Variants in FOXK2 observed in about 807,000 individuals in gnomAD.
The protein encoded by FOXK2 is forkhead box K2.
Under a neutral mutation model 53.3 loss-of-function variants are expected in FOXK2, and 24 were observed. The ratio of observed to expected loss-of-function variants is 0.45; its 90% CI spans 0.33 to 0.63. The LOEUF is 0.63. Ranked by LOEUF, FOXK2 falls within the 30% of genes least tolerant of loss-of-function variation. The pLI, the probability that FOXK2 is intolerant of heterozygous loss-of-function variation, is 0.03. For missense variants in FOXK2, 952 were observed against 910.5 expected, an observed-to-expected ratio of 1.05 and a Z score of -0.59; for synonymous variants, 505 against 407.1, an observed-to-expected ratio of 1.24 and a Z score of -2.89.
chr17:82,552,019 G>A (rs2044681816), intron 1 of FOXK2, among the ~76,000 whole-genome samples: 2 of 152,158 alleles, frequency 1.3e-5, no homozygotes, highest in African/African-American at 2.4e-5. Context: ...GCTCCCCCTT[G>A]TGGAGTCCTC....
chr17:82,530,686 T>A (rs1428353115), intron 1 of FOXK2, among the ~76,000 whole-genome samples: 1 of 151,864 alleles, frequency 6.6e-6, no homozygotes, highest in African/African-American at 2.4e-5. Context: ...ATTTTTGTAT[T>A]TTTAGTAGAG....
chr17:82,523,666 A>C (rs1599874913), intron 1 of FOXK2, among the ~76,000 whole-genome samples: 2 of 151,998 alleles, frequency 1.3e-5, no homozygotes, highest in South Asian at 4.2e-4. Flanking sequence ...TAGTAGAGAC[A>C]GGGTTAATCC....
intron 4 of FOXK2, among the ~76,000 whole-genome samples, chr17:82,581,380 ACCT>A (rs2045057325): frequency 1.3e-5 from 2 of 151,524 alleles, no homozygotes; most frequent in African/African-American, 4.8e-5. Context: ...GCTCACTGCA[ACCT>A]CCTCCTCTCG....
intron 1 of FOXK2, among the ~76,000 whole-genome samples, chr17:82,550,096 G>A (rs2044661704): frequency 6.6e-6 from 1 of 152,206 alleles, no homozygotes; most frequent in African/African-American, 2.4e-5. Flanking sequence ...CTATTCAGGA[G>A]GCTGAGGCGG....
chr17:82,534,889 A>C (rs1215576377), intron 1 of FOXK2, among the ~76,000 whole-genome samples: 1 of 152,178 alleles, frequency 6.6e-6, no homozygotes, highest in Non-Finnish European at 1.5e-5. Context: ...TGAAAAACAC[A>C]CATTTTTTGG....
intron 1 of FOXK2, 136 bp from the exon 2 acceptor site, chr17:82,563,217 TA>T: frequency 1.3e-6 from 1 of 794,002 alleles, no homozygotes; most frequent in Non-Finnish European, 1.9e-6. Context: ...TGGCGACTTA[TA>T]ATAACACGGT....
intron 1 of FOXK2, among the ~76,000 whole-genome samples, chr17:82,526,485 G>T (rs770875105): frequency 6.6e-6 from 1 of 152,172 alleles, no homozygotes; most frequent in Non-Finnish European, 1.5e-5. Flanking sequence ...TTAGGGTTAG[G>T]AGGAGCGGAA....
At chr17:82,549,157 C>T (rs774069199) in intron 1 of FOXK2, among the ~76,000 whole-genome samples, 8 of 152,158 alleles carry the variant, frequency 5.3e-5, no homozygotes, top group Non-Finnish European at 8.8e-5. Flanking sequence ...CACCTCCCTC[C>T]TCTTCTGGGT....
intron 1 of FOXK2, among the ~76,000 whole-genome samples, chr17:82,550,040 C>G (rs144926196): frequency 6.6e-6 from 1 of 152,234 alleles, no homozygotes; most frequent in Non-Finnish European, 1.5e-5. Flanking sequence ...CCCATCTCTA[C>G]AAAAACAAAA....
In FOXK2 at chr17:82,585,565, G is replaced by A. The variant is rs1254376743; in HGVS notation, c.1280-339G>A. On this transcript the variant is annotated intron_variant, in intron 6 of 8. Transcript: ENST00000335255. The stretch of plus-strand genomic sequence containing the variant: ...TCCTCCCACCTCAGCCTCCCAAAGT[G>A]CTGGGATTACAGGCGTGAGCCACTG... 2.6e-5 allele frequency among the ~76,000 whole-genome samples: 4 copies of A among 152,250 alleles called. No homozygotes were observed. In the East Asian group the frequency reaches 7.7e-4, roughly 29 times the overall value.
chr17:82,582,725 T>A lies in FOXK2; in HGVS notation c.910-16T>A. On this transcript the variant is annotated splice_polypyrimidine_tract_variant and intron_variant, in intron 4 of 8. Transcript: ENST00000335255. ...AATAAATATATGAATTCTACGTATT[T>A]TTTTATGTTTCATAGAATTCAATTC... 1 of 1,545,280 alleles carries A rather than the reference T, an allele frequency of 6.5e-7. No individual in the cohort carries two copies. Among genetic ancestry groups the A allele is most frequent in the Non-Finnish European group, 8.7e-7 (1 of 1,145,804 alleles).
intron 1 of FOXK2, among the ~76,000 whole-genome samples, chr17:82,537,613 C>G (rs2044532807): frequency 8.6e-6 from 1 of 115,662 alleles, no homozygotes; most frequent in African/African-American, 3.3e-5. Context: ...GAGTGAGACT[C>G]CATCTCAAAA....
chr17:82,563,476 C>A lies in FOXK2; in HGVS notation c.542C>A (p.Pro181His). ...PVKAVQPHIS[P>H]LTINIPDTMA... is the part of the protein sequence containing the mutation. ...AAGGCCGTACAGCCACACATCTCGC[C>A]CCTGACCATCAACATTCCAGACACC... Residue 181 changes from proline to histidine, a missense_variant, in exon 2 of 9, where the codon CCC becomes CAC. Pro to His is a moderately conservative substitution (Grantham distance 77). Coordinates refer to ENST00000335255, the MANE Select transcript of FOXK2 (RefSeq NM_004514.4). The A allele has an allele frequency of 6.2e-7, 1 of 1,614,136 alleles. No individual in the cohort carries two copies. Among genetic ancestry groups the A allele is most frequent in the Non-Finnish European group, 8.5e-7 (1 of 1,180,026 alleles).
chr17:82,563,241 G>C, intron 1 of FOXK2, 113 bp from the exon 2 acceptor site: 1 of 948,826 alleles, frequency 1.1e-6, no homozygotes, highest in Non-Finnish European at 1.6e-6. Context: ...GCTGAGCTTG[G>C]AAGTGTTGCA....
At chr17:82,533,633 C>T (rs142376399) in intron 1 of FOXK2, among the ~76,000 whole-genome samples, 30 of 152,292 alleles carry the variant, frequency 2.0e-4, no homozygotes, top group Admixed American at 2.6e-4. Flanking sequence ...AGCATCACCC[C>T]AGACTCATGA....
rs190054380 is a variant in FOXK2, at chr17:82,521,131, G to C, written c.419+824G>C. 5.4e-3 allele frequency among the ~76,000 whole-genome samples: 817 copies of C among 152,234 alleles called. 3 individuals carry two copies. The highest frequency in any genetic ancestry group is 9.0e-3 in the Admixed American group (138 of 15,270). On this transcript the variant is annotated intron_variant, in intron 1 of 8. Coordinates refer to ENST00000335255, the MANE Select transcript of FOXK2 (RefSeq NM_004514.4). Reference sequence around the variant, plus strand: ...ATTATTCCTCAGGGGCTCACTTCTAGATCATTGCAAGTACAGCCTTTGTCC... The same window carrying C: ...ATTATTCCTCAGGGGCTCACTTCTACATCATTGCAAGTACAGCCTTTGTCC...
At chr17:82,569,067 G>A (rs545843883) in intron 3 of FOXK2, among the ~76,000 whole-genome samples, 1 of 152,296 alleles carries the variant, frequency 6.6e-6, no homozygotes, top group East Asian at 1.9e-4. Flanking sequence ...TAGGGGAATG[G>A]TGATTAGGAT....
intron 1 of FOXK2, among the ~76,000 whole-genome samples, chr17:82,527,780 T>C (rs1206974549): frequency 6.6e-6 from 1 of 152,184 alleles, no homozygotes; most frequent in East Asian, 1.9e-4. Context: ...TGTTTAGTAC[T>C]TCTTCCAGTG....
intron 1 of FOXK2, among the ~76,000 whole-genome samples, chr17:82,524,395 T>C (rs1246988533): frequency 3.3e-5 from 5 of 152,280 alleles, no homozygotes; most frequent in African/African-American, 1.2e-4. Context: ...ATAAGTAGTT[T>C]AGGTTTAAAA....
Sources: allele counts gnomAD v4.1 joint callset (sites outside exome capture counted in the v4.1 genomes callset), GRCh38; gene constraint gnomAD v4.1.1; transcripts MANE v1.5; gene names NCBI Gene and HGNC (gene_info 2026-07-23, HGNC 2026-07-21).